Variants in LHFPL3 observed in about 807,000 individuals in gnomAD.
LHFPL3 encodes the protein LHFPL tetraspan subfamily member 3, also known as LHFPL tetraspan subfamily member 3 protein.
In LHFPL3, 5 loss-of-function variants were observed where a neutral mutation model predicts 19.3. The ratio of observed to expected loss-of-function variants is 0.26; its 90% CI spans 0.14 to 0.54. The LOEUF is 0.54. Among genes scored for constraint, LHFPL3 ranks in the 20% least tolerant of loss-of-function variants. LHFPL3 has a pLI of 0.94. For synonymous variants in LHFPL3, 133 were observed against 126.2 expected (o/e 1.05, Z -0.36); for missense variants, 249 against 307.4 (o/e 0.81, Z 1.42).
At chr7:104,525,274 A>G (rs1226991512) in intron 1 of LHFPL3, among the ~76,000 whole-genome samples, 4 of 152,180 alleles carry the variant, frequency 2.6e-5, no homozygotes, top group Non-Finnish European at 5.9e-5. Context: ...TATTCAACTT[A>G]TAACGTGACA....
chr7:104,843,127 G>C (rs1431853590), intron 2 of LHFPL3, among the ~76,000 whole-genome samples: 1 of 152,202 alleles, frequency 6.6e-6, no homozygotes, highest in Admixed American at 6.5e-5. Flanking sequence ...AGCTGTACTT[G>C]ACATAGTGAG....
At chr7:104,733,236 A>T (rs1793738131) in intron 1 of LHFPL3, among the ~76,000 whole-genome samples, 2 of 152,232 alleles carry the variant, frequency 1.3e-5, no homozygotes, top group Non-Finnish European at 2.9e-5. Flanking sequence ...GATGTCTATT[A>T]GGTCTGCTTG....
chr7:104,445,062 C>G (rs1411994388), intron 1 of LHFPL3, among the ~76,000 whole-genome samples: 1 of 151,536 alleles, frequency 6.6e-6, no homozygotes, highest in Non-Finnish European at 1.5e-5. Flanking sequence ...TAAAGTCCAT[C>G]TGAAGTTTTG....
At chr7:104,889,442 C>T (rs1479299052) in intron 2 of LHFPL3, among the ~76,000 whole-genome samples, 1 of 152,278 alleles carries the variant, frequency 6.6e-6, no homozygotes, top group South Asian at 2.1e-4. Context: ...GAGTTCAAAA[C>T]CAGCCTGGCC....
At chr7:104,377,367 G>C (rs1396971770) in intron 1 of LHFPL3, among the ~76,000 whole-genome samples, 1 of 152,190 alleles carries the variant, frequency 6.6e-6, no homozygotes, top group Non-Finnish European at 1.5e-5. Context: ...TTACTCAAGA[G>C]AGATACAGCC....
At chr7:104,714,215 T>C (rs1224503363) in intron 1 of LHFPL3, among the ~76,000 whole-genome samples, 2 of 148,586 alleles carry the variant, frequency 1.3e-5, no homozygotes, top group Non-Finnish European at 2.9e-5. Context: ...ACCCTTTCGT[T>C]TGTTGTTGTT....
chr7:104,396,049 T>G (rs1395426668), intron 1 of LHFPL3, among the ~76,000 whole-genome samples: 1 of 152,148 alleles, frequency 6.6e-6, no homozygotes, highest in Non-Finnish European at 1.5e-5. Context: ...CCCAGACAGC[T>G]CCTCTTCATC....
chr7:104,587,072 TATTC>T (rs1790594381), intron 1 of LHFPL3, among the ~76,000 whole-genome samples: 1 of 152,166 alleles, frequency 6.6e-6, no homozygotes, highest in Admixed American at 6.6e-5. Context: ...CTCATTGAGT[TATTC>T]ATTCATTCAT....
At chr7:104,745,428 G>A (rs1363858899) in intron 2 of LHFPL3, among the ~76,000 whole-genome samples, 2 of 152,188 alleles carry the variant, frequency 1.3e-5, no homozygotes, top group African/African-American at 4.8e-5. Flanking sequence ...AAGCCACTAT[G>A]GTTGAATGTG....
intron 1 of LHFPL3, among the ~76,000 whole-genome samples, chr7:104,583,685 C>T (rs775807800): frequency 3.3e-5 from 5 of 152,124 alleles, no homozygotes; most frequent in Non-Finnish European, 7.3e-5. Flanking sequence ...GACATTTATA[C>T]AGCCAAAAAA....
At chr7:104,526,705 G>C (rs1028946954) in intron 1 of LHFPL3, among the ~76,000 whole-genome samples, 1 of 152,322 alleles carries the variant, frequency 6.6e-6, no homozygotes, top group South Asian at 2.1e-4. Flanking sequence ...TAACAGCAAA[G>C]GCTAGGAAAC....
intron 1 of LHFPL3, among the ~76,000 whole-genome samples, chr7:104,652,722 G>C (rs1792054213): frequency 6.6e-6 from 1 of 152,160 alleles, no homozygotes; most frequent in Non-Finnish European, 1.5e-5. Flanking sequence ...CAAAGCTGCA[G>C]GAGAAGCAAA....
chr7:104,727,841 C>A (rs1236660549), intron 1 of LHFPL3, among the ~76,000 whole-genome samples: 2 of 152,078 alleles, frequency 1.3e-5, no homozygotes, highest in African/African-American at 4.8e-5. Flanking sequence ...GACTAAGGTA[C>A]CTTTCTGTTC....
At chr7:104,606,970 A>C (rs1388124464) in intron 1 of LHFPL3, among the ~76,000 whole-genome samples, 1 of 152,108 alleles carries the variant, frequency 6.6e-6, no homozygotes, top group African/African-American at 2.4e-5. Context: ...AAAAAAAAAC[A>C]ATCTTAGGTT....
intron 1 of LHFPL3, among the ~76,000 whole-genome samples, chr7:104,645,852 G>T (rs1323105583): frequency 1.3e-5 from 2 of 151,716 alleles, no homozygotes; most frequent in Non-Finnish European, 2.9e-5. Flanking sequence ...AGTAGAGACG[G>T]GGTTTCACTG....
intron 1 of LHFPL3, among the ~76,000 whole-genome samples, chr7:104,713,036 G>A (rs1019395569): frequency 6.6e-5 from 10 of 152,112 alleles, no homozygotes; most frequent in Admixed American, 6.6e-4. Context: ...CCTCAAGCTG[G>A]GGTCAAGAAA....
rs1584377469 is a variant in LHFPL3 at position 104,521,423 on chromosome 7, T to C, written c.445+192199T>C. Among the ~76,000 whole-genome samples the C allele has an allele frequency of 2.0e-5, 3 of 152,210 alleles. No individual in the cohort carries two copies. The East Asian group carries it at 5.8e-4, about 29-fold the overall frequency. On this transcript the variant is annotated intron_variant, in intron 1 of 2. Transcript: ENST00000424859. ...GTGGTGCTGAAAAAAATGTATATTC[T>C]GTTGATTTGGGGTGGAGAGTTCTGT...
chr7:104,641,972 C>A (rs1266649594), intron 1 of LHFPL3, among the ~76,000 whole-genome samples: 1 of 151,446 alleles, frequency 6.6e-6, no homozygotes, highest in Non-Finnish European at 1.5e-5. Context: ...GAAAAGCAAC[C>A]CAAGTTTTAT....
At chr7:104,667,118 A>G (rs1792369230) in intron 1 of LHFPL3, among the ~76,000 whole-genome samples, 1 of 152,202 alleles carries the variant, frequency 6.6e-6, no homozygotes, top group Admixed American at 6.6e-5. Flanking sequence ...CCAGTAGTGT[A>G]TAAGAGTTCT....
Sources: allele counts gnomAD v4.1 joint callset (sites outside exome capture counted in the v4.1 genomes callset), GRCh38; gene constraint gnomAD v4.1.1; transcripts MANE v1.5; gene names NCBI Gene and HGNC (gene_info 2026-07-23, HGNC 2026-07-21).